Variants in ZFAT observed in about 807,000 individuals in gnomAD.
ZFAT encodes the protein zinc finger protein ZFAT.
In ZFAT, 64 loss-of-function variants were observed where a neutral mutation model predicts 117.7. The observed-to-expected ratio is 0.54, with a 90% CI of 0.44 to 0.67. The LOEUF (loss-of-function observed/expected upper bound fraction) is 0.67. Among genes scored for constraint, ZFAT ranks in the 30% least tolerant of loss-of-function variants. The probability of loss-of-function intolerance (pLI) is 0.00; values close to 1 mark genes in which losing one functional copy is unlikely to be tolerated. For synonymous variants in ZFAT, 679 were observed against 615.0 expected, an observed-to-expected ratio of 1.10 and a Z score of -1.54; for missense variants, 1,433 against 1,584.5, an observed-to-expected ratio of 0.90 and a Z score of 1.62.
At chr8:134,645,852 A>G (rs373307490) in intron 2 of ZFAT, among the ~76,000 whole-genome samples, 10 of 152,200 alleles carry the variant, frequency 6.6e-5, no homozygotes, top group African/African-American at 2.4e-4. Flanking sequence ...TCAAGTCCAC[A>G]TGAAAAATTC....
chr8:134,597,850 T>C (rs986633488), intron 7 of ZFAT: 9 of 152,244 alleles, frequency 5.9e-5, no homozygotes, highest in Admixed American at 6.5e-5. Context: ...TGAGAGCTAA[T>C]GAGAAGCAGG....
intron 15 of ZFAT, among the ~76,000 whole-genome samples, chr8:134,488,202 CCCCCATGCTGGGCATTCGGCGG>C (rs1490832787): frequency 1.3e-5 from 2 of 152,210 alleles, no homozygotes; most frequent in African/African-American, 2.4e-5. Context: ...GTAAACGGCA[CCCCCATGCTGGGCATTCGGCGG>C]CCCTTTGCTA....
chr8:134,665,653 A>G (rs898851908), intron 1 of ZFAT, among the ~76,000 whole-genome samples: 3 of 152,244 alleles, frequency 2.0e-5, no homozygotes, highest in Non-Finnish European at 4.4e-5. Flanking sequence ...GAATACAGAC[A>G]GCCCCCGAGC....
At position 134,637,604 on chromosome 8, in the gene ZFAT, G is replaced by T; in HGVS notation, c.305C>A (p.Pro102Gln). 6.2e-7 allele frequency: 1 copy of T among 1,614,192 alleles called. No homozygotes were observed. Among genetic ancestry groups the T allele is most frequent in the Non-Finnish European group, 8.5e-7 (1 of 1,180,036 alleles). ...GCTGTTCCCTTCCTCCGGAGCCAGC[G>T]GGCTGTCCTCAGTCGGACTCACGAT... is the stretch of plus-strand genomic sequence containing the variant. ...ENIVSPTEDS[P>Q]LAPEEGNSLP... Residue 102 changes from proline to glutamine, a missense_variant, in exon 3 of 16, where the codon CCG becomes CAG. Transcript: ENST00000377838.
chr8:134,587,234 A>G (rs1254677651), intron 9 of ZFAT, among the ~76,000 whole-genome samples: 2 of 152,302 alleles, frequency 1.3e-5, no homozygotes, highest in South Asian at 4.1e-4. Context: ...ACTGCCTTCT[A>G]CAAAGGATTC....
chr8:134,783,907 G>A, the ZFAT span: 2 of 152,194 alleles, frequency 1.3e-5, no homozygotes, highest in African/African-American at 4.8e-5. Flanking sequence ...GGTGTCCAAG[G>A]TTTTTATTGG....
intron 5 of ZFAT, among the ~76,000 whole-genome samples, chr8:134,605,412 G>C (rs1391613323): frequency 6.6e-6 from 1 of 152,126 alleles, no homozygotes; most frequent in Non-Finnish European, 1.5e-5. Context: ...TGGGTGTGGT[G>C]GTGGGCGCCT....
At chr8:134,713,401 G>A (rs552481004), upstream of ZFAT, among the ~76,000 whole-genome samples, 39 of 152,350 alleles carry the variant, frequency 2.6e-4, no homozygotes, top group Admixed American at 2.4e-3. Flanking sequence ...TTGGGGCAGC[G>A]AATTAACTTT....
In ZFAT at chr8:134,602,480, G is replaced by A. The variant is rs1248099947; in HGVS notation, c.1239C>T (p.Phe413=). The change falls in exon 6 of 16, where the codon TTC becomes TTT. Residue 413 remains phenylalanine, a synonymous_variant. Coordinates refer to ENST00000377838, the MANE Select transcript of ZFAT (RefSeq NM_020863.4). Reference sequence around the variant, plus strand: ...GGCGGTCACGGTCCAGCTCGTTCTTGAACTTGCGCTCACAGATGTGGCAGT... The same window carrying A: ...GGCGGTCACGGTCCAGCTCGTTCTTAAACTTGCGCTCACAGATGTGGCAGT... ...LYDCHICERK[F]KNELDRDRHM... is the part of the protein sequence containing the mutation. 6.2e-7 allele frequency: 1 copy of A among 1,613,878 alleles called. No individual in the cohort carries two copies. Among genetic ancestry groups the A allele is most frequent in the East Asian group, 2.2e-5 (1 of 44,874 alleles).
Position 134,648,649 on chromosome 8 carries a change from T to C in ZFAT, c.196+8912A>G, listed in dbSNP as rs142882325. Among the ~76,000 whole-genome samples the C allele has an allele frequency of 4.2e-3, 640 of 152,062 alleles. 9 individuals carry two copies. The highest frequency in any genetic ancestry group is 0.015 in the African/African-American group (605 of 41,510). On this transcript the variant is annotated intron_variant, in intron 2 of 15. Coordinates refer to ENST00000377838, the MANE Select transcript of ZFAT (RefSeq NM_020863.4). ...CATACACCTATAACAAGAGATTGAATCAGTGAAAAAATAAAAAGCCCAGGA... is the reference window on the plus strand; with the variant it reads ...CATACACCTATAACAAGAGATTGAACCAGTGAAAAAATAAAAAGCCCAGGA...
chr8:134,697,755 A>G (rs1013951003), intron 1 of ZFAT, among the ~76,000 whole-genome samples: 16 of 149,740 alleles, frequency 1.1e-4, no homozygotes, highest in African/African-American at 3.4e-4. Context: ...AACTAAAAAA[A>G]AAAAAGAAAA....
intron 1 of ZFAT, among the ~76,000 whole-genome samples, chr8:134,707,414 A>G (rs1049818372): frequency 3.9e-5 from 6 of 152,182 alleles, no homozygotes; most frequent in Non-Finnish European, 8.8e-5. Context: ...TAAACTGATG[A>G]CCAGCCTAAT....
intron 15 of ZFAT, among the ~76,000 whole-genome samples, chr8:134,501,302 T>C (rs1818957053): frequency 6.6e-6 from 1 of 152,190 alleles, no homozygotes; most frequent in South Asian, 2.1e-4. Context: ...TGCAATTCTC[T>C]TGCCTGGGTC....
rs556303531 is a variant in ZFAT, at chr8:134,490,143, T to G, written c.3493-11422A>C. Among the ~76,000 whole-genome samples the G allele has an allele frequency of 2.6e-5, 4 of 152,326 alleles. No individual in the cohort carries two copies. The East Asian group carries it at 7.7e-4, about 29-fold the overall frequency. Reference sequence around the variant, plus strand: ...GACTTCTTAGTTATGTGGAACAGCATAGAAGTCTGTGCCTCAGTTTACCAC... The same window carrying G: ...GACTTCTTAGTTATGTGGAACAGCAGAGAAGTCTGTGCCTCAGTTTACCAC... On this transcript the variant is annotated intron_variant, in intron 15 of 15. Coordinates refer to ENST00000377838, the MANE Select transcript of ZFAT (RefSeq NM_020863.4).
chr8:134,529,706 A>T (rs565586046), intron 12 of ZFAT, among the ~76,000 whole-genome samples: 1 of 152,340 alleles, frequency 6.6e-6, no homozygotes, highest in East Asian at 1.9e-4. Flanking sequence ...TCATAAGCCA[A>T]ATGTGCACAT....
intron 9 of ZFAT, among the ~76,000 whole-genome samples, chr8:134,586,455 C>T (rs946725121): frequency 5.3e-5 from 8 of 152,212 alleles, no homozygotes; most frequent in Admixed American, 4.6e-4. Flanking sequence ...ATTTGTCCAT[C>T]ATACATGGTG....
At chr8:134,600,179 G>C in intron 7 of ZFAT, 1 of 528,208 alleles carries the variant, frequency 1.9e-6, no homozygotes, top group South Asian at 2.2e-5. Flanking sequence ...TATCTCTTCT[G>C]TAGACTTTAT....
intron 15 of ZFAT, among the ~76,000 whole-genome samples, chr8:134,499,146 T>A (rs73355780): frequency 1.0e-4 from 11 of 109,438 alleles, no homozygotes; most frequent in African/African-American, 3.9e-4. Flanking sequence ...TTTGGTAGGG[T>A]TGGCGTGGAG....
intron 15 of ZFAT, among the ~76,000 whole-genome samples, chr8:134,500,956 G>A (rs1315143211): frequency 1.3e-5 from 2 of 152,180 alleles, no homozygotes; most frequent in African/African-American, 2.4e-5. Context: ...CAGAGGCCCG[G>A]GATCAAATAA....
Sources: gnomAD v4.1 joint callset for allele counts (sites outside exome capture counted in the v4.1 genomes callset) on GRCh38, gnomAD v4.1.1 for gene constraint, MANE v1.5 for transcripts, NCBI Gene and HGNC (gene_info 2026-07-23, HGNC 2026-07-21) for gene names.